FHIT: variants seen among roughly 807,000 people sequenced by gnomAD.
The protein encoded by FHIT is fragile histidine triad diadenosine triphosphatase, also known as bis(5'-adenosyl)-triphosphatase.
A neutral mutation model predicts 17.9 loss-of-function variants in FHIT; 19 were observed. The observed-to-expected ratio is 1.06, with a 90% CI of 0.74 to 1.56. The LOEUF is 1.56. Among genes scored for constraint, FHIT ranks in the 40% most tolerant of loss-of-function variants. The pLI is 0.00. For synonymous variants in FHIT, 81 were observed against 69.7 expected (o/e 1.16, Z -0.81); for missense variants, 248 against 189.2 (o/e 1.31, Z -1.82).
intron 8 of FHIT, among the ~76,000 whole-genome samples, chr3:59,859,291 G>C (rs765157407): frequency 6.6e-6 from 1 of 152,168 alleles, no homozygotes; most frequent in Middle Eastern, 3.2e-3. Flanking sequence ...TTCCTGCCAA[G>C]ATGGCATGGA....
intron 5 of FHIT, among the ~76,000 whole-genome samples, chr3:60,377,280 G>A (rs2107091979): frequency 6.7e-6 from 1 of 150,048 alleles, no homozygotes; most frequent in East Asian, 2.0e-4. Context: ...CGATGCCTCA[G>A]CCTCCTGAAT....
At chr3:59,886,050 C>T (rs1703610825) in intron 8 of FHIT, among the ~76,000 whole-genome samples, 1 of 152,224 alleles carries the variant, frequency 6.6e-6, no homozygotes, top group African/African-American at 2.4e-5. Flanking sequence ...CTCTGATATG[C>T]AGAATCTAAG....
intron 3 of FHIT, among the ~76,000 whole-genome samples, chr3:61,002,354 C>T (rs2031150030): frequency 6.6e-6 from 1 of 152,182 alleles, no homozygotes; most frequent in South Asian, 2.1e-4. Flanking sequence ...GCCCAATCTC[C>T]TGGGTTCAAG....
intron 5 of FHIT, among the ~76,000 whole-genome samples, chr3:60,237,010 T>G (rs908761828): frequency 6.6e-6 from 1 of 152,256 alleles, no homozygotes; most frequent in South Asian, 2.1e-4. Context: ...CTCATCCACT[T>G]TAAGTACTAG....
chr3:60,296,942 C>T (rs1480673725), intron 5 of FHIT, among the ~76,000 whole-genome samples: 1 of 147,780 alleles, frequency 6.8e-6, no homozygotes, highest in Non-Finnish European at 1.5e-5. Context: ...AAAAAAAGAC[C>T]AGTGGGCATA....
At chr3:60,335,862 T>C (rs1370410904) in intron 5 of FHIT, among the ~76,000 whole-genome samples, 2 of 152,168 alleles carry the variant, frequency 1.3e-5, no homozygotes, top group Admixed American at 6.5e-5. Context: ...AAAAATGGTA[T>C]GCTCCAAGTT....
At chr3:60,286,047 G>T (rs112746221) in intron 5 of FHIT, among the ~76,000 whole-genome samples, 3,786 of 152,206 alleles carry the variant, frequency 0.025, 74 homozygotes, top group Non-Finnish European at 0.041. Flanking sequence ...AGGAAGCAGG[G>T]GTGGGGAGCA....
chr3:60,782,231 G>GTATATATATATATATATA (rs1349004246), intron 4 of FHIT, among the ~76,000 whole-genome samples: 5 of 89,964 alleles, frequency 5.6e-5, no homozygotes, highest in African/African-American at 3.3e-4. Context: ...GTGTGTGTGT[G>GTATATATATATATATATA]TGTGTGTATA....
At chr3:60,494,454 T>C (rs2107508259) in intron 5 of FHIT, among the ~76,000 whole-genome samples, 1 of 151,772 alleles carries the variant, frequency 6.6e-6, no homozygotes, top group South Asian at 2.1e-4. Flanking sequence ...CAAGCATTTA[T>C]CCTTTGTGTT....
intron 5 of FHIT, among the ~76,000 whole-genome samples, chr3:60,282,475 CG>C (rs376863124): frequency 6.6e-6 from 1 of 151,996 alleles, no homozygotes. Context: ...CTATTCTATA[CG>C]AAACTGTAAT....
intron 5 of FHIT, among the ~76,000 whole-genome samples, chr3:60,325,002 A>G (rs1211682069): frequency 2.0e-5 from 3 of 152,214 alleles, no homozygotes; most frequent in Non-Finnish European, 4.4e-5. Context: ...AAGGTCACAC[A>G]AAGGTGACTG....
chr3:61,160,635 G>A (rs1468864187), intron 2 of FHIT, among the ~76,000 whole-genome samples: 1 of 151,564 alleles, frequency 6.6e-6, no homozygotes, highest in East Asian at 1.9e-4. Context: ...CATTATTTGT[G>A]TAGACTGACT....
intron 5 of FHIT, among the ~76,000 whole-genome samples, chr3:60,435,442 A>ATT (rs11347167): frequency 2.8e-4 from 42 of 151,160 alleles, no homozygotes; most frequent in East Asian, 1.2e-3. Context: ...AATAAAAATG[A>ATT]TTTTTTTTTT....
At chr3:60,677,039 T>C (rs1553695544) in intron 4 of FHIT, among the ~76,000 whole-genome samples, 1 of 152,054 alleles carries the variant, frequency 6.6e-6, no homozygotes, top group Non-Finnish European at 1.5e-5. Context: ...CATGCCCAGC[T>C]AATTTTTGTA....
intron 5 of FHIT, among the ~76,000 whole-genome samples, chr3:60,129,341 C>A (rs1037627178): frequency 2.6e-5 from 4 of 152,118 alleles, no homozygotes; most frequent in Non-Finnish European, 4.4e-5. Context: ...TGTGCCTGGC[C>A]TCTTCTTTCT....
intron 3 of FHIT, among the ~76,000 whole-genome samples, chr3:60,847,646 C>T (rs1229585067): frequency 2.0e-5 from 3 of 152,160 alleles, no homozygotes; most frequent in Non-Finnish European, 2.9e-5. Context: ...CTGCCACTTA[C>T]AGTAGGATGC....
At chr3:60,355,953 A>T (rs1411493002) in intron 5 of FHIT, among the ~76,000 whole-genome samples, 1 of 152,268 alleles carries the variant, frequency 6.6e-6, no homozygotes, top group African/African-American at 2.4e-5. Flanking sequence ...TCAAATCAAC[A>T]CCCAAACTCA....
chr3:60,230,536 A>C (rs1704443786), intron 5 of FHIT, among the ~76,000 whole-genome samples: 1 of 152,200 alleles, frequency 6.6e-6, no homozygotes, highest in Admixed American at 6.5e-5. Context: ...ATAGGCAAAC[A>C]GATAATGAAC....
chr3:60,527,223 A>G (rs1305386424), intron 5 of FHIT, among the ~76,000 whole-genome samples: 6 of 152,228 alleles, frequency 3.9e-5, no homozygotes, highest in Non-Finnish European at 5.9e-5. Context: ...TAAACAGAAT[A>G]GAAAATACTA....
Sources: allele counts gnomAD v4.1 joint callset (sites outside exome capture counted in the v4.1 genomes callset), GRCh38; gene constraint gnomAD v4.1.1; transcripts MANE v1.5; gene names NCBI Gene and HGNC (gene_info 2026-07-23, HGNC 2026-07-21).